Variants in GLIS1 observed in about 807,000 individuals in gnomAD.
The protein encoded by GLIS1 is GLIS family zinc finger 1.
GLIS1 carries 24 observed loss-of-function variants against 63.8 expected under a neutral mutation model. The ratio of observed to expected loss-of-function variants is 0.38; its 90% CI spans 0.27 to 0.53. The LOEUF (loss-of-function observed/expected upper bound fraction) is 0.53, where lower values mean the gene tolerates loss of function less well. Among genes scored for constraint, GLIS1 ranks in the 20% least tolerant of loss-of-function variants. The pLI is 0.85. For synonymous variants in GLIS1, 450 were observed against 482.5 expected, an observed-to-expected ratio of 0.93 and a Z score of 0.88; for missense variants, 1,036 against 1,074.1, an observed-to-expected ratio of 0.96 and a Z score of 0.50.
intron 4 of GLIS1, among the ~76,000 whole-genome samples, chr1:53,547,753 C>CAAA (rs1219725538): frequency 6.6e-6 from 1 of 152,214 alleles, no homozygotes; most frequent in African/African-American, 2.4e-5. Context: ...AATTCTATTT[C>CAAA]CCTGCCCCTC....
At chr1:53,680,789 C>T (rs1290568654) in intron 2 of GLIS1, among the ~76,000 whole-genome samples, 1 of 152,222 alleles carries the variant, frequency 6.6e-6, no homozygotes, top group Non-Finnish European at 1.5e-5. Context: ...GACTGATTCT[C>T]CCTACTAAGC....
intron 2 of GLIS1, among the ~76,000 whole-genome samples, chr1:53,695,123 G>A (rs543989319): frequency 2.8e-4 from 42 of 151,714 alleles, no homozygotes; most frequent in Admixed American, 1.2e-3. Context: ...CCTGCAGGCC[G>A]ACTGTCAGCT....
intron 2 of GLIS1, among the ~76,000 whole-genome samples, chr1:53,662,221 T>C (rs1336556487): frequency 6.6e-6 from 1 of 152,188 alleles, no homozygotes; most frequent in Non-Finnish European, 1.5e-5. Flanking sequence ...CCCTGGTTGA[T>C]GTGCCGTGTG....
At chr1:53,665,549 T>A (rs903766986) in intron 2 of GLIS1, among the ~76,000 whole-genome samples, 44 of 152,122 alleles carry the variant, frequency 2.9e-4, no homozygotes, top group Non-Finnish European at 2.9e-4. Context: ...CTCAGGAGGC[T>A]GAGGGAGGAG....
At chr1:53,581,902 G>A (rs1013966639) in intron 4 of GLIS1, among the ~76,000 whole-genome samples, 8 of 152,192 alleles carry the variant, frequency 5.3e-5, no homozygotes, top group African/African-American at 1.9e-4. Context: ...ATGCAGGAAA[G>A]TAACTATGGA....
intron 2 of GLIS1, among the ~76,000 whole-genome samples, chr1:53,737,412 T>C (rs183693954): frequency 8.5e-5 from 13 of 152,386 alleles, no homozygotes; most frequent in Admixed American, 7.2e-4. Flanking sequence ...TAAAGGCCTC[T>C]GGGTTTTGTC....
At chr1:53,672,719 G>C (rs1481060153) in intron 2 of GLIS1, among the ~76,000 whole-genome samples, 1 of 152,166 alleles carries the variant, frequency 6.6e-6, no homozygotes, top group East Asian at 1.9e-4. Flanking sequence ...TGCTTTGTTT[G>C]ACAATGTGCC....
chr1:53,637,555 G>A lies in GLIS1; in HGVS notation c.260-37277C>T, dbSNP rs536645272. 2.0e-5 allele frequency among the ~76,000 whole-genome samples: 3 copies of A among 152,250 alleles called. No individual in the cohort carries two copies. In the East Asian group the frequency reaches 5.8e-4, roughly 29 times the overall value. On this transcript the variant is annotated intron_variant, in intron 2 of 10. Transcript: ENST00000628545. ...TCAAGAATATGGACTATAGCCTGAGGATGGCAAAGTCAAACTGTTGCAGTC... is the reference window on the plus strand; with the variant it reads ...TCAAGAATATGGACTATAGCCTGAGAATGGCAAAGTCAAACTGTTGCAGTC...
chr1:53,670,254 G>A (rs780341935), intron 2 of GLIS1, among the ~76,000 whole-genome samples: 131 of 152,294 alleles, frequency 8.6e-4, no homozygotes, highest in Non-Finnish European at 1.4e-3. Context: ...CGAAGCACCT[G>A]GCCAAACAGA....
intron 2 of GLIS1, among the ~76,000 whole-genome samples, chr1:53,715,782 G>T (rs1019017252): frequency 5.3e-5 from 8 of 152,142 alleles, no homozygotes; most frequent in African/African-American, 1.9e-4. Context: ...GACCAAATCT[G>T]GCCCCATGGA....
intron 2 of GLIS1, among the ~76,000 whole-genome samples, chr1:53,662,807 G>A (rs772069135): frequency 1.1e-4 from 17 of 152,118 alleles, no homozygotes; most frequent in Non-Finnish European, 2.9e-5. Flanking sequence ...CCATAATAGT[G>A]ACAACTAATG....
At chr1:53,622,102 A>C (rs1645549600) in intron 2 of GLIS1, among the ~76,000 whole-genome samples, 1 of 151,962 alleles carries the variant, frequency 6.6e-6, no homozygotes, top group Non-Finnish European at 1.5e-5. Flanking sequence ...GAAATCTTAA[A>C]GTTACACTGT....
rs553908787 is a variant in GLIS1 at position 53,599,806 on chromosome 1, G to A, written c.437+295C>T. ...TTGACACTGTATAAACTCTGAGCTG[G>A]GCTTTCCTTCCCCAACCTACCCATG... is the stretch of plus-strand genomic sequence containing the variant. On this transcript the variant is annotated intron_variant, in intron 3 of 10. Coordinates refer to ENST00000628545, the MANE Select transcript of GLIS1 (RefSeq NM_001367484.1). 3.9e-5 allele frequency among the ~76,000 whole-genome samples: 6 copies of A among 152,334 alleles called. No individual in the cohort carries two copies. The South Asian group carries it at 8.3e-4, about 21-fold the overall frequency.
rs889850759 is a variant in GLIS1, at chr1:53,506,513, G to A, written c.*106C>T. On this transcript the variant is annotated 3_prime_UTR_variant, in exon 11 of 11. Coordinates refer to ENST00000628545, the MANE Select transcript of GLIS1 (RefSeq NM_001367484.1). Reference sequence around the variant, plus strand: ...CCCTGGGTCATGGCCTGGCTGTTCCGGCTGTGGCCTGGCACTCCTGCTAGG... The same window carrying A: ...CCCTGGGTCATGGCCTGGCTGTTCCAGCTGTGGCCTGGCACTCCTGCTAGG... The A allele has an allele frequency of 1.8e-4, 221 of 1,234,576 alleles. No homozygotes were observed. Among genetic ancestry groups the A allele is most frequent in the Middle Eastern group, 7.4e-4 (3 of 4,038 alleles). 76.5% of individuals were successfully genotyped at this position (1,234,576 alleles called of 1,614,324 possible). A position where few individuals can be genotyped will look rare whatever the true frequency, so the allele number is the denominator to read the frequency against.
intron 2 of GLIS1, among the ~76,000 whole-genome samples, chr1:53,636,044 T>C (rs565512436): frequency 6.6e-6 from 1 of 152,328 alleles, no homozygotes; most frequent in East Asian, 1.9e-4. Context: ...ATTCTTATAC[T>C]CATTCTTCCA....
intron 3 of GLIS1, among the ~76,000 whole-genome samples, chr1:53,596,471 TCA>T: frequency 6.6e-6 from 1 of 152,180 alleles, no homozygotes; most frequent in Non-Finnish European, 1.5e-5. Flanking sequence ...CATCTGAACC[TCA>T]GTTTCCTTGC....
intron 4 of GLIS1, among the ~76,000 whole-genome samples, chr1:53,555,604 T>C (rs975736512): frequency 1.3e-5 from 2 of 152,194 alleles, no homozygotes; most frequent in Non-Finnish European, 2.9e-5. Flanking sequence ...ATGCTTGAGG[T>C]AATGGACACC....
At chr1:53,692,974 C>CT (rs1646423516) in intron 2 of GLIS1, among the ~76,000 whole-genome samples, 1 of 152,198 alleles carries the variant, frequency 6.6e-6, no homozygotes, top group Admixed American at 6.5e-5. Flanking sequence ...CTCCAGAGCC[C>CT]TTTTCTATCC....
intron 4 of GLIS1, among the ~76,000 whole-genome samples, chr1:53,546,574 C>T (rs552417419): frequency 2.0e-5 from 3 of 147,720 alleles, no homozygotes; most frequent in Admixed American, 1.4e-4. Context: ...TTTATTGCAA[C>T]GACTACATGA....
Sources: gnomAD v4.1 joint callset for allele counts (sites outside exome capture counted in the v4.1 genomes callset) on GRCh38, gnomAD v4.1.1 for gene constraint, MANE v1.5 for transcripts, NCBI Gene and HGNC (gene_info 2026-07-23, HGNC 2026-07-21) for gene names.